The following GRIK3 variants were observed in gnomAD, a reference collection of about 807,000 sequenced individuals.
GRIK3 encodes the protein glutamate ionotropic receptor kainate type subunit 3, also known as glutamate receptor ionotropic, kainate 3.
A neutral mutation model predicts 102.5 loss-of-function variants in GRIK3; 29 were observed. The observed-to-expected ratio is 0.28, with a 90% CI of 0.21 to 0.39. The LOEUF (loss-of-function observed/expected upper bound fraction) is 0.39, where lower values mean the gene tolerates loss of function less well. Ranked by LOEUF, GRIK3 falls within the 10% of genes least tolerant of loss-of-function variation. GRIK3 has a pLI of 1.00. For missense variants in GRIK3, 908 were observed against 1,252.4 expected, an observed-to-expected ratio of 0.73 and a Z score of 4.15; for synonymous variants, 511 against 504.9, an observed-to-expected ratio of 1.01 and a Z score of -0.16.
chr1:36,962,779 G>A (rs1269159252), intron 1 of GRIK3, among the ~76,000 whole-genome samples: 1 of 145,514 alleles, frequency 6.9e-6, no homozygotes, highest in Non-Finnish European at 1.5e-5. Flanking sequence ...AGGAAGGAGG[G>A]AGGTTGAGGC....
chr1:36,960,363 G>T (rs1641992330), intron 1 of GRIK3, among the ~76,000 whole-genome samples: 1 of 152,218 alleles, frequency 6.6e-6, no homozygotes, highest in African/African-American at 2.4e-5. Context: ...ATGAGCTTGT[G>T]TGCCCTGTAA....
In GRIK3 at chr1:36,880,637, T is replaced by C. The variant is rs902229632; in HGVS notation, c.547A>G (p.Thr183Ala). The C allele has an allele frequency of 9.3e-6, 15 of 1,613,930 alleles. No homozygotes were observed. Among genetic ancestry groups the C allele is most frequent in the African/African-American group, 1.3e-5 (1 of 74,926 alleles). Reference sequence around the variant, plus strand: ...CTAGCCAGGCCTGGCCACCCACCTGTACTGTCGTCATAGACCACGGTGGCT... The same window carrying C: ...CTAGCCAGGCCTGGCCACCCACCTGCACTGTCGTCATAGACCACGGTGGCT... ...RSATVVYDDS[T>A]GLIRLQELIM... is the part of the protein sequence containing the mutation. The change falls in exon 3 of 16, where the codon ACA (threonine) becomes GCA (alanine). Residue 183 changes from threonine (T) to alanine (A), a missense_variant. Physicochemically the swap from Thr to Ala is moderately conservative, Grantham distance 58. Around this residue, in one of 3 missense-constraint regions of GRIK3, gnomAD observed 585 missense variants for 824.9 expected, o/e 0.71. Coordinates refer to ENST00000373091, the MANE Select transcript of GRIK3 (RefSeq NM_000831.4). The surrounding 1 kb of genome is among the most constrained non-coding windows in gnomAD (Gnocchi z 5.4).
intron 2 of GRIK3, among the ~76,000 whole-genome samples, chr1:36,882,223 G>A (rs949935092): frequency 1.3e-5 from 2 of 152,138 alleles, no homozygotes; most frequent in Non-Finnish European, 2.9e-5. Flanking sequence ...CGACAGTGCC[G>A]AATCATCATC....
At chr1:36,911,797 C>A (rs138052848) in intron 1 of GRIK3, among the ~76,000 whole-genome samples, 3 of 151,948 alleles carry the variant, frequency 2.0e-5, no homozygotes, top group Admixed American at 6.6e-5. Context: ...GAGGACTGAG[C>A]GGGGAGCTGT....
At chr1:36,957,778 G>GCC (rs1641938847) in intron 1 of GRIK3, among the ~76,000 whole-genome samples, 1 of 135,694 alleles carries the variant, frequency 7.4e-6, no homozygotes. Flanking sequence ...TGTCCCATGA[G>GCC]TCTGTGCCCC....
Position 36,872,403 on chromosome 1 carries a change from T to C in GRIK3, c.551-34A>G. On this transcript the variant is annotated intron_variant, in intron 3 of 15. Coordinates refer to ENST00000373091, the MANE Select transcript of GRIK3 (RefSeq NM_000831.4). The surrounding 1 kb of genome is among the most constrained non-coding windows in gnomAD (Gnocchi z 5.9). ...CCATGGAGCACAAAAGACACACGTG[T>C]ACCACATGTATCCACAGCTCCAGGC... The C allele has an allele frequency of 2.7e-6, 4 of 1,496,692 alleles. No homozygotes were observed. Among genetic ancestry groups the C allele is most frequent in the South Asian group, 1.3e-5 (1 of 79,016 alleles). The allele number at this position is 1,496,692 out of a possible 1,614,324, so 92.7% of individuals were successfully genotyped here. A position where few individuals can be genotyped will look rare whatever the true frequency, so the allele number is the denominator to read the frequency against.
At chr1:37,016,764 G>A (rs982758046) in intron 1 of GRIK3, among the ~76,000 whole-genome samples, 11 of 152,090 alleles carry the variant, frequency 7.2e-5, no homozygotes, top group Non-Finnish European at 1.0e-4. Context: ...CATATGAAAC[G>A]TCCCAATTTT....
Position 36,801,610 on chromosome 1 carries a change from C to G in GRIK3, c.*241G>C, listed in dbSNP as rs537859067. The G allele has an allele frequency of 3.9e-5, 16 of 406,212 alleles. No individual in the cohort carries two copies. The highest frequency in any genetic ancestry group is 3.2e-4 in the African/African-American group (16 of 49,382). The allele number at this position is 406,212 out of a possible 1,614,324, so 25.2% of individuals were successfully genotyped here. ...TGAGAGAGGCATGTGCTTCCTTTGG[C>G]CTTGGCTATCTCGGCTGGCAGCTTT... is the stretch of plus-strand genomic sequence containing the variant. On this transcript the variant is annotated 3_prime_UTR_variant, in exon 16 of 16. Coordinates refer to ENST00000373091, the MANE Select transcript of GRIK3 (RefSeq NM_000831.4).
At chr1:36,858,348 A>G (rs1640677015) in intron 7 of GRIK3, among the ~76,000 whole-genome samples, 1 of 152,252 alleles carries the variant, frequency 6.6e-6, no homozygotes, top group Non-Finnish European at 1.5e-5. Flanking sequence ...GTTGTAACAG[A>G]GCCAGGATGC....
intron 1 of GRIK3, among the ~76,000 whole-genome samples, chr1:37,029,187 G>A (rs941740657): frequency 2.6e-5 from 4 of 152,204 alleles, no homozygotes; most frequent in African/African-American, 4.8e-5. Flanking sequence ...AGCCCCATCC[G>A]CATCAGCTCC....
chr1:37,016,011 T>C (rs1188553591), intron 1 of GRIK3, among the ~76,000 whole-genome samples: 1 of 152,230 alleles, frequency 6.6e-6, no homozygotes, highest in Non-Finnish European at 1.5e-5. Context: ...AACTGAACTC[T>C]GGGTAATGCC....
At chr1:36,875,991 G>T (rs536207304) in intron 3 of GRIK3, among the ~76,000 whole-genome samples, 2 of 152,304 alleles carry the variant, frequency 1.3e-5, no homozygotes, top group South Asian at 4.2e-4. Context: ...TAGAATAATA[G>T]GTATGGACCC....
intron 1 of GRIK3, among the ~76,000 whole-genome samples, chr1:36,992,681 G>A (rs1160783192): frequency 6.6e-6 from 1 of 152,236 alleles, no homozygotes; most frequent in Non-Finnish European, 1.5e-5. Context: ...GTGGAGGGCA[G>A]TACTTATAAA....
At chr1:36,904,899 A>G (rs1197744798) in intron 1 of GRIK3, among the ~76,000 whole-genome samples, 3 of 152,224 alleles carry the variant, frequency 2.0e-5, no homozygotes, top group Non-Finnish European at 2.9e-5. Context: ...TAAAATCATG[A>G]TATGAATAAG....
At chr1:36,935,269 A>G in intron 1 of GRIK3, among the ~76,000 whole-genome samples, 1 of 152,092 alleles carries the variant, frequency 6.6e-6, no homozygotes, top group East Asian at 1.9e-4. Context: ...ATGGTTCTCT[A>G]AGGCAACTCA....
chr1:36,950,802 G>A lies in GRIK3; in HGVS notation c.116-59706C>T, dbSNP rs192776127. On this transcript the variant is annotated intron_variant, in intron 1 of 15. Coordinates refer to ENST00000373091, the MANE Select transcript of GRIK3 (RefSeq NM_000831.4). Reference sequence around the variant, plus strand: ...GTGGCTTTGGAGGTTCATGATTTGCGCGGGAGCTGATCTCGTGAGTGATCA... The same window carrying A: ...GTGGCTTTGGAGGTTCATGATTTGCACGGGAGCTGATCTCGTGAGTGATCA... Among the ~76,000 whole-genome samples, 311 of 152,342 alleles carry A rather than the reference G, an allele frequency of 2.0e-3. 1 individual carries two copies. Among genetic ancestry groups the A allele is most frequent in the African/African-American group, 5.1e-3 (210 of 41,572 alleles).
chr1:36,991,103 T>G (rs1248739923), intron 1 of GRIK3, among the ~76,000 whole-genome samples: 1 of 152,138 alleles, frequency 6.6e-6, no homozygotes. Flanking sequence ...CACCACTTCC[T>G]TGCTGTGTGA....
intron 9 of GRIK3, among the ~76,000 whole-genome samples, chr1:36,846,883 G>C (rs1640525304): frequency 6.6e-6 from 1 of 152,214 alleles, no homozygotes; most frequent in South Asian, 2.1e-4. Context: ...GACACTTCTG[G>C]CTAGACAGAC....
intron 1 of GRIK3, among the ~76,000 whole-genome samples, chr1:36,923,838 C>T (rs1641498613): frequency 6.6e-6 from 1 of 152,036 alleles, no homozygotes; most frequent in Non-Finnish European, 1.5e-5. Context: ...TAACTCAAGT[C>T]CCAAAGGCAC....
Sources: allele counts gnomAD v4.1 joint callset (sites outside exome capture counted in the v4.1 genomes callset), GRCh38; gene constraint gnomAD v4.1.1; regional missense constraint gnomAD v4.1.1; non-coding constraint Gnocchi (gnomAD v3.1); transcripts MANE v1.5; gene names NCBI Gene and HGNC (gene_info 2026-07-23, HGNC 2026-07-21).